Variants in CHSY3 observed in about 807,000 individuals in gnomAD.
CHSY3 encodes N-acetylgalactosaminyl-proteoglycan 3-beta-glucuronosyltransferase 3.
CHSY3 carries 35 observed loss-of-function variants against 67.2 expected under a neutral mutation model. The observed-to-expected ratio is 0.52, with a 90% CI of 0.40 to 0.69. The LOEUF (loss-of-function observed/expected upper bound fraction) is 0.69. CHSY3 is among the 30% of genes least tolerant of loss of function. The pLI is 0.00. For missense variants in CHSY3, 1,069 were observed against 1,138.5 expected (o/e 0.94, Z 0.88); for synonymous variants, 474 against 434.7 (o/e 1.09, Z -1.12).
intron 2 of CHSY3, among the ~76,000 whole-genome samples, chr5:130,129,643 A>T (rs1404159158): frequency 1.3e-5 from 2 of 152,170 alleles, no homozygotes; most frequent in Admixed American, 6.5e-5. Flanking sequence ...ATGAATATTA[A>T]ATAATTTTAA....
intron 2 of CHSY3, among the ~76,000 whole-genome samples, chr5:129,966,955 C>A (rs923412631): frequency 6.6e-6 from 1 of 151,716 alleles, no homozygotes; most frequent in Non-Finnish European, 1.5e-5. Context: ...AGGGTCTCAA[C>A]GTGTCTAGTG....
intron 2 of CHSY3, among the ~76,000 whole-genome samples, chr5:129,993,326 A>G (rs1369534323): frequency 1.3e-5 from 2 of 152,058 alleles, no homozygotes; most frequent in Non-Finnish European, 2.9e-5. Flanking sequence ...GTCTCCCACT[A>G]TTATTGTGTG....
At chr5:130,050,069 A>G (rs1765287254) in intron 2 of CHSY3, among the ~76,000 whole-genome samples, 1 of 152,182 alleles carries the variant, frequency 6.6e-6, no homozygotes, top group African/African-American at 2.4e-5. Flanking sequence ...TAATATTTGA[A>G]CACTAAGAAT....
At chr5:130,123,247 G>A (rs1655789078) in intron 2 of CHSY3, among the ~76,000 whole-genome samples, 2 of 152,192 alleles carry the variant, frequency 1.3e-5, no homozygotes, top group African/African-American at 4.8e-5. Flanking sequence ...CAGAAAGAGA[G>A]TATGTTTTAA....
chr5:130,124,178 A>T (rs1042520450), intron 2 of CHSY3, among the ~76,000 whole-genome samples: 2 of 152,098 alleles, frequency 1.3e-5, no homozygotes, highest in African/African-American at 4.8e-5. Flanking sequence ...GATAGCTCTT[A>T]AGTGATAACA....
chr5:130,002,480 C>T (rs1329225366), intron 2 of CHSY3, among the ~76,000 whole-genome samples: 2 of 152,076 alleles, frequency 1.3e-5, no homozygotes, highest in Non-Finnish European at 2.9e-5. Context: ...CCACAGGAAG[C>T]TGAGCTTGCA....
At chr5:129,974,828 A>G (rs987635345) in intron 2 of CHSY3, 3 of 152,200 alleles carry the variant, frequency 2.0e-5, no homozygotes, top group Admixed American at 6.5e-5. Context: ...ACATGAACAT[A>G]TATTATTTGT....
intron 2 of CHSY3, among the ~76,000 whole-genome samples, chr5:130,178,227 T>TATATATATATATATATATA (rs1561571814): frequency 1.5e-5 from 1 of 65,838 alleles, no homozygotes; most frequent in African/African-American, 6.6e-5. Context: ...ATATTTATAT[T>TATATATATATATATATATA]TATATATATA....
At chr5:129,931,817 A>G (rs1046163342) in intron 2 of CHSY3, among the ~76,000 whole-genome samples, 3 of 151,948 alleles carry the variant, frequency 2.0e-5, no homozygotes, top group Admixed American at 2.0e-4. Context: ...TTCTGCATGG[A>G]TGAAAGTCCT....
intron 2 of CHSY3, among the ~76,000 whole-genome samples, chr5:129,970,440 AG>A (rs1580596654): frequency 6.6e-6 from 1 of 151,718 alleles, no homozygotes; most frequent in East Asian, 1.9e-4. Flanking sequence ...ATAGATAGAT[AG>A]ATAGATAGAC....
chr5:130,042,613 A>G (rs375691586), intron 2 of CHSY3, among the ~76,000 whole-genome samples: 1 of 152,272 alleles, frequency 6.6e-6, no homozygotes, highest in South Asian at 2.1e-4. Context: ...GGTACTCTAT[A>G]AGATTTTTTT....
At chr5:130,000,885 CTTTTTTT>C (rs545172978) in intron 2 of CHSY3, among the ~76,000 whole-genome samples, 5 of 124,664 alleles carry the variant, frequency 4.0e-5, no homozygotes, top group Admixed American at 1.6e-4. Context: ...AGCCTGTCTT[CTTTTTTT>C]TTTTTTTTTT....
intron 2 of CHSY3, among the ~76,000 whole-genome samples, chr5:130,042,429 CCTT>C (rs1480749876): frequency 6.6e-6 from 1 of 151,936 alleles, no homozygotes; most frequent in Non-Finnish European, 1.5e-5. Context: ...ATTGTTGGAA[CCTT>C]CTATTATAAT....
chr5:130,058,567 A>G (rs969458917), intron 2 of CHSY3, among the ~76,000 whole-genome samples: 12 of 152,228 alleles, frequency 7.9e-5, no homozygotes, highest in African/African-American at 2.7e-4. Context: ...TGGAAGTTGC[A>G]GTGTGCCAAG....
intron 2 of CHSY3, among the ~76,000 whole-genome samples, chr5:130,137,736 A>G (rs1332868165): frequency 6.6e-6 from 1 of 152,198 alleles, no homozygotes; most frequent in African/African-American, 2.4e-5. Flanking sequence ...TCCCTATGAA[A>G]AAGGCAACAG....
Position 129,904,600 on chromosome 5 carries a change from C to G in CHSY3, c.-230C>G. 1 of 614,330 alleles carries G rather than the reference C, an allele frequency of 1.6e-6. No individual in the cohort carries two copies. The highest frequency in any genetic ancestry group is 2.3e-6 in the Non-Finnish European group (1 of 437,528). The allele number at this position is 614,330 out of a possible 1,614,324, so 38.1% of individuals were successfully genotyped here. A position where few individuals can be genotyped will look rare whatever the true frequency, so the allele number is the denominator to read the frequency against. ...CCGCCGGGAGAAGTTTCACTCCCGA[C>G]CCTTGCTCGGAGCCCCGGCCCAGAG... On this transcript the variant is annotated 5_prime_UTR_variant, in exon 1 of 3. Coordinates refer to ENST00000305031, the MANE Select transcript of CHSY3 (RefSeq NM_175856.5).
At chr5:130,051,238 T>A (rs1765345751) in intron 2 of CHSY3, among the ~76,000 whole-genome samples, 1 of 152,064 alleles carries the variant, frequency 6.6e-6, no homozygotes, top group African/African-American at 2.4e-5. Context: ...CAATTCTATA[T>A]TGCTTGGATT....
At position 129,941,181 on chromosome 5, in the gene CHSY3, T is replaced by C. The variant is rs577636784; in HGVS notation, c.1086+32821T>C. ...AGAGGTCACTGCAGCCCAGGCTGGG[T>C]GACAGAGAAAGATCCTGTCTTAATA... is the stretch of plus-strand genomic sequence containing the variant. On this transcript the variant is annotated intron_variant, in intron 2 of 2. Coordinates refer to ENST00000305031, the MANE Select transcript of CHSY3 (RefSeq NM_175856.5). 2.0e-5 allele frequency among the ~76,000 whole-genome samples: 3 copies of C among 152,238 alleles called. No homozygotes were observed. The South Asian group carries it at 6.2e-4, about 32-fold the overall frequency.
intron 2 of CHSY3, among the ~76,000 whole-genome samples, chr5:129,911,871 A>G (rs1760564565): frequency 6.6e-6 from 1 of 152,236 alleles, no homozygotes; most frequent in South Asian, 2.1e-4. Flanking sequence ...CCTGGCTAAC[A>G]TGGTGAAACC....
Sources: allele counts gnomAD v4.1 joint callset (sites outside exome capture counted in the v4.1 genomes callset), GRCh38; gene constraint gnomAD v4.1.1; transcripts MANE v1.5; gene names NCBI Gene and HGNC (gene_info 2026-07-23, HGNC 2026-07-21).